ITGA9: variants seen among roughly 807,000 people sequenced by gnomAD.
The protein encoded by ITGA9 is integrin subunit alpha 9.
Under a neutral mutation model 127.8 loss-of-function variants are expected in ITGA9, and 56 were observed. The ratio of observed to expected loss-of-function variants is 0.44; its 90% confidence interval spans 0.35 to 0.55. The LOEUF is 0.55. Ranked by LOEUF, ITGA9 falls within the 20% of genes least tolerant of loss-of-function variation. ITGA9 has a pLI of 0.00. For synonymous variants in ITGA9, 508 were observed against 514.5 expected (o/e 0.99, Z 0.17); for missense variants, 1,196 against 1,347.1 (o/e 0.89, Z 1.76).
rs1277579448 is a variant in ITGA9, at chr3:37,820,318, T to C, written c.*1329T>C. The stretch of plus-strand genomic sequence containing the variant: ...GGGCTGGCTGCACCCAGAGGAGATG[T>C]AAACGTTTTATTCTCAATTCCTGCT... On this transcript the variant is annotated 3_prime_UTR_variant, in exon 28 of 28. Transcript: ENST00000264741. The C allele has an allele frequency of 6.6e-6, 1 of 152,260 alleles. No individual in the cohort carries two copies. The allele number at this position is 152,260 out of a possible 1,614,324, so 9.4% of individuals were successfully genotyped here.
chr3:37,495,100 G>C (rs2125565759), intron 5 of ITGA9, among the ~76,000 whole-genome samples: 1 of 151,932 alleles, frequency 6.6e-6, no homozygotes, highest in East Asian at 1.9e-4. Context: ...TAGCCTCCCG[G>C]TTATAGGCGC....
Position 37,683,907 on chromosome 3 carries a change from G to A in ITGA9, c.1959G>A (p.Lys653=). The A allele has an allele frequency of 6.2e-7, 1 of 1,614,060 alleles. No individual in the cohort carries two copies. Among genetic ancestry groups the A allele is most frequent in the South Asian group, 1.1e-5 (1 of 91,066 alleles). The change falls in exon 18 of 28, where the codon AAG becomes AAA. Residue 653 remains lysine (K), a synonymous_variant. Transcript: ENST00000264741. ...TGTATCTAGCTTTGGGGGCTGTGAA[G>A]AACATCTCCCTAAACATCTCTATCT... ...KTLYLALGAV[K]NISLNISISN...
intron 11 of ITGA9, 48 bp downstream of exon 11, chr3:37,519,402 C>T: frequency 7.0e-7 from 1 of 1,437,850 alleles, no homozygotes; most frequent in Non-Finnish European, 9.8e-7. Context: ...ATTCATTCAG[C>T]AAACATGTAT....
At position 37,799,204 on chromosome 3, in the gene ITGA9, A is replaced by G. The variant is rs1198113127; in HGVS notation, c.2890-4619A>G. Among the ~76,000 whole-genome samples the G allele has an allele frequency of 2.0e-5, 3 of 151,992 alleles. No homozygotes were observed. Among genetic ancestry groups the G allele is most frequent in the Non-Finnish European group, 4.4e-5 (3 of 68,006 alleles). ...TTAATTTTTTATTTTTTTAAGACAGAGTCTTGCTCTTTCACCCAGGCTGGA... is the reference window on the plus strand; with the variant it reads ...TTAATTTTTTATTTTTTTAAGACAGGGTCTTGCTCTTTCACCCAGGCTGGA... On this transcript the variant is annotated intron_variant, in intron 26 of 27. Transcript: ENST00000264741. This position sits in a 1 kb window ranked among gnomAD's most constrained non-coding sequence, Gnocchi z 4.0.
chr3:37,757,773 A>G (rs1696671694), intron 23 of ITGA9, among the ~76,000 whole-genome samples: 1 of 151,902 alleles, frequency 6.6e-6, no homozygotes, highest in African/African-American at 2.4e-5. Flanking sequence ...GTAAAAGTAG[A>G]CAAAGACCTA....
chr3:37,785,260 T>C (rs1559598183), intron 26 of ITGA9, among the ~76,000 whole-genome samples, 182 bp downstream of exon 26: 1 of 152,142 alleles, frequency 6.6e-6, no homozygotes, highest in Non-Finnish European at 1.5e-5. Flanking sequence ...CTGTGGTTCG[T>C]TCTTGTGATA....
chr3:37,480,707 T>C (rs1291970657), intron 3 of ITGA9, among the ~76,000 whole-genome samples: 3 of 152,214 alleles, frequency 2.0e-5, no homozygotes, highest in Non-Finnish European at 4.4e-5. Context: ...CATGGTTGAA[T>C]ATCAGCCATT....
At position 37,777,535 on chromosome 3, in the gene ITGA9, G is replaced by T; in HGVS notation, c.2667+18G>T. On this transcript the variant is annotated intron_variant, in intron 24 of 27. Coordinates refer to ENST00000264741, the MANE Select transcript of ITGA9 (RefSeq NM_002207.3). ...AAGTCTTGGTAAGGATTTGTTTAGT[G>T]GTTGGGGTAACACGGGTGGTCCTCA... 6.2e-7 allele frequency: 1 copy of T among 1,613,860 alleles called. No individual in the cohort carries two copies. The highest frequency in any genetic ancestry group is 8.5e-7 in the Non-Finnish European group (1 of 1,179,868).
chr3:37,655,066 C>A (rs1201644089), intron 17 of ITGA9, among the ~76,000 whole-genome samples: 1 of 152,142 alleles, frequency 6.6e-6, no homozygotes, highest in Non-Finnish European at 1.5e-5. Flanking sequence ...TGTATCTGTG[C>A]CACATTTTCT....
intron 6 of ITGA9, among the ~76,000 whole-genome samples, chr3:37,505,141 G>A (rs1698827547): frequency 1.3e-5 from 2 of 152,156 alleles, no homozygotes; most frequent in South Asian, 4.2e-4. Context: ...CTTCTTGTAG[G>A]AGGGAGTGTG....
intron 6 of ITGA9, among the ~76,000 whole-genome samples, chr3:37,504,047 G>A (rs1177607606): frequency 1.3e-5 from 2 of 152,180 alleles, no homozygotes; most frequent in African/African-American, 2.4e-5. Flanking sequence ...TAACTTACAG[G>A]GAAAGGCCCT....
At chr3:37,815,690 T>G (rs1466433283) in intron 27 of ITGA9, among the ~76,000 whole-genome samples, 1 of 152,038 alleles carries the variant, frequency 6.6e-6, no homozygotes, top group East Asian at 1.9e-4. Flanking sequence ...CTATCAGCTG[T>G]CTGTCTGATT....
chr3:37,632,601 AAAC>A (rs1475857799), intron 16 of ITGA9, among the ~76,000 whole-genome samples: 1 of 152,210 alleles, frequency 6.6e-6, no homozygotes. Flanking sequence ...AAATTGGTGT[AAAC>A]AACAATTTAC....
chr3:37,584,198 C>G (rs1203083340), intron 15 of ITGA9, among the ~76,000 whole-genome samples: 1 of 152,212 alleles, frequency 6.6e-6, no homozygotes, highest in Non-Finnish European at 1.5e-5. Context: ...CTCCATGTCT[C>G]TTATCTTTCT....
chr3:37,645,614 T>C (rs966329073), intron 16 of ITGA9, among the ~76,000 whole-genome samples: 2 of 152,172 alleles, frequency 1.3e-5, no homozygotes, highest in African/African-American at 4.8e-5. Context: ...TCTTGTTTGC[T>C]CTTCTTGGTG....
At chr3:37,631,685 G>C (rs1700231225) in intron 16 of ITGA9, among the ~76,000 whole-genome samples, 1 of 152,224 alleles carries the variant, frequency 6.6e-6, no homozygotes, top group Non-Finnish European at 1.5e-5. Flanking sequence ...CCAGGGAACA[G>C]AGAAGCTGCA....
chr3:37,540,275 C>A (rs1412259655), intron 14 of ITGA9, among the ~76,000 whole-genome samples: 1 of 152,234 alleles, frequency 6.6e-6, no homozygotes. Flanking sequence ...GCTGCCTCCA[C>A]CACATTGGTT....
At chr3:37,817,594 AC>A (rs988709993) in intron 27 of ITGA9, among the ~76,000 whole-genome samples, 2 of 152,172 alleles carry the variant, frequency 1.3e-5, no homozygotes, top group African/African-American at 4.8e-5. Flanking sequence ...GTATTTGTAC[AC>A]CCGATACAGT....
chr3:37,607,785 A>T (rs1454268490), intron 15 of ITGA9, among the ~76,000 whole-genome samples: 1 of 152,216 alleles, frequency 6.6e-6, no homozygotes, highest in Non-Finnish European at 1.5e-5. Context: ...AACCTTGTAG[A>T]AACAACATCG....
Sources: gnomAD v4.1 joint callset for allele counts (sites outside exome capture counted in the v4.1 genomes callset) on GRCh38, gnomAD v4.1.1 for gene constraint, Gnocchi (gnomAD v3.1) non-coding constraint, MANE v1.5 for transcripts, NCBI Gene and HGNC (gene_info 2026-07-23, HGNC 2026-07-21) for gene names.